The following SGCZ variants were observed in gnomAD, a reference collection of about 807,000 sequenced individuals.
The protein encoded by SGCZ is sarcoglycan zeta.
Under a neutral mutation model 41.3 loss-of-function variants are expected in SGCZ, and 40 were observed. The observed-to-expected ratio is 0.97, with a 90% CI of 0.75 to 1.26. SGCZ has a LOEUF of 1.26. SGCZ is among the 50% of genes most tolerant of loss of function. The pLI is 0.00. For missense variants in SGCZ, 552 were observed against 369.8 expected (o/e 1.49, Z -4.04); for synonymous variants, 206 against 137.5 (o/e 1.50, Z -3.49).
At chr8:14,962,576 T>A (rs911367621) in intron 1 of SGCZ, among the ~76,000 whole-genome samples, 1 of 152,188 alleles carries the variant, frequency 6.6e-6, no homozygotes, top group Admixed American at 6.5e-5. Flanking sequence ...TAGTTAAATA[T>A]AAACATATTT....
At chr8:14,134,899 C>G (rs956163405) in intron 5 of SGCZ, among the ~76,000 whole-genome samples, 1 of 151,988 alleles carries the variant, frequency 6.6e-6, no homozygotes, top group Non-Finnish European at 1.5e-5. Context: ...TATAATAGTT[C>G]ATGATGAGAA....
intron 2 of SGCZ, among the ~76,000 whole-genome samples, chr8:14,527,558 A>T (rs1301734055): frequency 7.4e-6 from 1 of 134,324 alleles, no homozygotes; most frequent in Non-Finnish European, 1.6e-5. Context: ...TTAAAAAAAC[A>T]TCAATAGCCC....
intron 1 of SGCZ, among the ~76,000 whole-genome samples, chr8:15,109,101 AAC>A (rs554784051): frequency 1.3e-5 from 2 of 152,058 alleles, no homozygotes; most frequent in African/African-American, 2.4e-5. Flanking sequence ...CAAAAAATAA[AAC>A]ACACACACAC....
intron 3 of SGCZ, among the ~76,000 whole-genome samples, chr8:14,242,534 T>C (rs958831422): frequency 2.0e-5 from 3 of 152,128 alleles, no homozygotes; most frequent in Admixed American, 1.3e-4. Flanking sequence ...AGCACATAAT[T>C]TATGTGCTTG....
At chr8:14,186,369 T>C (rs77386024) in intron 4 of SGCZ, among the ~76,000 whole-genome samples, 3,105 of 152,358 alleles carry the variant, frequency 0.02, 40 homozygotes, top group Non-Finnish European at 0.031. Flanking sequence ...CCTAATGTGA[T>C]GGAAATTCCA....
chr8:14,312,122 G>C (rs866749261), intron 3 of SGCZ, among the ~76,000 whole-genome samples: 4 of 152,158 alleles, frequency 2.6e-5, no homozygotes, highest in Middle Eastern at 3.4e-3. Flanking sequence ...TTAGTTGGTT[G>C]CAACAATTCT....
chr8:14,174,153 A>G (rs1203885145), intron 4 of SGCZ, among the ~76,000 whole-genome samples: 4 of 152,138 alleles, frequency 2.6e-5, no homozygotes, highest in Admixed American at 2.0e-4. Flanking sequence ...ACAGACAGGT[A>G]AGTGACCTGG....
At chr8:14,498,906 ATT>A (rs879575537) in intron 2 of SGCZ, among the ~76,000 whole-genome samples, 8 of 145,996 alleles carry the variant, frequency 5.5e-5, no homozygotes, top group Non-Finnish European at 9.1e-5. Context: ...TGTCTTAGTC[ATT>A]TTTTTTTTTC....
At chr8:14,105,172 T>C (rs1477459386) in intron 6 of SGCZ, among the ~76,000 whole-genome samples, 1 of 151,996 alleles carries the variant, frequency 6.6e-6, no homozygotes, top group East Asian at 1.9e-4. Flanking sequence ...TATCATCTTA[T>C]CTAAGAAAAA....
chr8:14,551,576 AT>A (rs1803858150), intron 2 of SGCZ, among the ~76,000 whole-genome samples: 1 of 37,764 alleles, frequency 2.6e-5, no homozygotes, highest in Non-Finnish European at 4.1e-5. Context: ...TATAATATAT[AT>A]ATAATATATA....
chr8:14,795,422 T>G (rs1289126748), intron 1 of SGCZ, among the ~76,000 whole-genome samples: 1 of 127,122 alleles, frequency 7.9e-6, no homozygotes, highest in East Asian at 2.7e-4. Context: ...ATATTCATAC[T>G]TTGGGGTTTT....
rs114725893 is a variant in SGCZ at position 15,039,704 on chromosome 8, A to T, written c.39+197881T>A. Among the ~76,000 whole-genome samples, 541 of 152,326 alleles carry T rather than the reference A, an allele frequency of 3.6e-3. 7 individuals are homozygous for T. Among genetic ancestry groups the T allele is most frequent in the African/African-American group, 0.011 (439 of 41,564 alleles). ...GAATCTATTTCACTCACTGACTATG[A>T]TATTTTTTAAAATCTCCCAACTGTA... On this transcript the variant is annotated intron_variant, in intron 1 of 7. Transcript: ENST00000382080.
At chr8:14,821,157 C>T (rs2130568620) in intron 1 of SGCZ, among the ~76,000 whole-genome samples, 1 of 151,954 alleles carries the variant, frequency 6.6e-6, no homozygotes, top group African/African-American at 2.4e-5. Flanking sequence ...CACAGAAATA[C>T]AAAGGCTGAT....
intron 2 of SGCZ, among the ~76,000 whole-genome samples, chr8:14,400,236 T>G (rs996743299): frequency 6.6e-6 from 1 of 152,156 alleles, no homozygotes; most frequent in African/African-American, 2.4e-5. Context: ...ATTATTTATA[T>G]AGCAGATTTT....
chr8:15,178,991 A>T (rs1248431313), intron 1 of SGCZ, among the ~76,000 whole-genome samples: 1 of 152,226 alleles, frequency 6.6e-6, no homozygotes, highest in Non-Finnish European at 1.5e-5. Flanking sequence ...ATTTGGACAC[A>T]TTATGAGACT....
chr8:15,102,196 T>A (rs929762224), intron 1 of SGCZ, among the ~76,000 whole-genome samples: 1 of 152,162 alleles, frequency 6.6e-6, no homozygotes, highest in African/African-American at 2.4e-5. Context: ...CTGTGGTATA[T>A]CCATACAATT....
intron 1 of SGCZ, among the ~76,000 whole-genome samples, chr8:14,828,499 T>A (rs1473801219): frequency 6.6e-6 from 1 of 152,198 alleles, no homozygotes; most frequent in Non-Finnish European, 1.5e-5. Context: ...GAGTTTTCGA[T>A]GGAAATTTTA....
chr8:14,487,987 TG>T (rs1801726392), intron 2 of SGCZ: 1 of 146,232 alleles, frequency 6.8e-6, no homozygotes, highest in African/African-American at 2.5e-5. Flanking sequence ...GAAACCTCAG[TG>T]GTTAATCAGG....
chr8:14,633,235 T>C (rs1310543596), intron 1 of SGCZ, among the ~76,000 whole-genome samples: 1 of 152,002 alleles, frequency 6.6e-6, no homozygotes, highest in Admixed American at 6.6e-5. Flanking sequence ...CCTTTTATTC[T>C]GTATATAGAC....
Sources: gnomAD v4.1 joint callset for allele counts (sites outside exome capture counted in the v4.1 genomes callset) on GRCh38, gnomAD v4.1.1 for gene constraint, MANE v1.5 for transcripts, NCBI Gene and HGNC (gene_info 2026-07-23, HGNC 2026-07-21) for gene names.